PBX3: variants seen among roughly 807,000 people sequenced by gnomAD.
PBX3 encodes the protein PBX homeobox 3.
A neutral mutation model predicts 48.5 loss-of-function variants in PBX3; 14 were observed. The observed-to-expected ratio is 0.29, with a 90% CI of 0.19 to 0.45. PBX3 has a LOEUF of 0.45. PBX3 is among the 20% of genes least tolerant of loss of function. PBX3 has a pLI of 1.00. For synonymous variants in PBX3, 210 were observed against 200.3 expected (o/e 1.05, Z -0.41); for missense variants, 386 against 546.7 (o/e 0.71, Z 2.93).
chr9:125,748,796 C>A, intron 2 of PBX3, 173 bp downstream of exon 2: 1 of 516,176 alleles, frequency 1.9e-6, no homozygotes, highest in South Asian at 2.5e-5. Context: ...GAGTCAATTT[C>A]TCAGTTCTGC....
At chr9:125,748,696 A>C (rs1836280517) in intron 2 of PBX3, 73 bp downstream of exon 2, 1 of 1,095,584 alleles carries the variant, frequency 9.1e-7, no homozygotes. Flanking sequence ...TCGACTCTCC[A>C]GTTGAGAGCT....
intron 2 of PBX3, among the ~76,000 whole-genome samples, chr9:125,762,820 C>G (rs972473555): frequency 6.6e-6 from 1 of 151,560 alleles, no homozygotes; most frequent in South Asian, 2.1e-4. Context: ...CTAAAGCGGT[C>G]AAAAAAATCA....
chr9:125,847,264 T>C (rs906795044), intron 2 of PBX3, among the ~76,000 whole-genome samples: 1 of 152,038 alleles, frequency 6.6e-6, no homozygotes, highest in African/African-American at 2.4e-5. Context: ...AATTTATTTC[T>C]TATACTAATT....
intron 2 of PBX3, among the ~76,000 whole-genome samples, chr9:125,844,177 A>G (rs1588210852): frequency 6.6e-6 from 1 of 152,110 alleles, no homozygotes; most frequent in East Asian, 1.9e-4. Flanking sequence ...GTTTTCTATT[A>G]TAATTTAGAT....
At chr9:125,900,047 G>C (rs1840904632) in intron 2 of PBX3, among the ~76,000 whole-genome samples, 1 of 151,580 alleles carries the variant, frequency 6.6e-6, no homozygotes, top group Non-Finnish European at 1.5e-5. Flanking sequence ...CATCAGTTAA[G>C]CATATCTCTG....
intron 2 of PBX3, among the ~76,000 whole-genome samples, chr9:125,868,399 C>T (rs1039119777): frequency 2.0e-5 from 3 of 152,172 alleles, no homozygotes; most frequent in Admixed American, 6.5e-5. Flanking sequence ...TGCAGAAAAA[C>T]CTCACCTGGC....
chr9:125,767,923 A>C (rs909579059), intron 2 of PBX3, among the ~76,000 whole-genome samples: 4 of 152,086 alleles, frequency 2.6e-5, no homozygotes, highest in Admixed American at 6.5e-5. Context: ...GCAGGCTAGC[A>C]ATGAGACTCA....
At chr9:125,914,194 T>G (rs1005296578) in intron 2 of PBX3, among the ~76,000 whole-genome samples, 2 of 152,206 alleles carry the variant, frequency 1.3e-5, no homozygotes, top group African/African-American at 4.8e-5. Context: ...TGAGTTATCT[T>G]TTTGCTCTCC....
At chr9:125,772,807 C>CTA (rs1380574535) in intron 2 of PBX3, among the ~76,000 whole-genome samples, 1 of 152,210 alleles carries the variant, frequency 6.6e-6, no homozygotes, top group Non-Finnish European at 1.5e-5. Flanking sequence ...AGGCCCAAGC[C>CTA]TATAATCTCA....
rs1840827760 is a variant in PBX3 at position 125,898,460 on chromosome 9, A to AAT, written c.275-17226_275-17225insAT. On this transcript the variant is annotated intron_variant, in intron 2 of 8. Transcript: ENST00000373489. Reference sequence around the variant, plus strand: ...GGACCCCATCTTCTGAAAAAAAAAAATAAAAAAAAGGGCCTTTTGAATTTT... The same window carrying AAT: ...GGACCCCATCTTCTGAAAAAAAAAAAATTAAAAAAAAGGGCCTTTTGAATTTT... 2.6e-5 allele frequency among the ~76,000 whole-genome samples: 4 copies of AAT among 150,946 alleles called. No homozygotes were observed. In the South Asian group the frequency reaches 8.4e-4, roughly 32 times the overall value.
rs149345595 is a variant in PBX3, at chr9:125,821,846, G to T, written c.274+73223G>T. Among the ~76,000 whole-genome samples the T allele has an allele frequency of 9.3e-3, 1,409 of 152,122 alleles. 19 individuals carry two copies. The highest frequency in any genetic ancestry group is 0.044 in the Middle Eastern group (13 of 294). On this transcript the variant is annotated intron_variant, in intron 2 of 8. Transcript: ENST00000373489. ...TGTATTGTTGTTTTACCCCTTAAAG[G>T]CTGCTAATGAGAAATAGAGCCTCAT...
chr9:125,748,390 C>A, intron 1 of PBX3, 160 bp from the exon 2 acceptor site: 2 of 1,377,066 alleles, frequency 1.5e-6, no homozygotes, highest in Non-Finnish European at 1.9e-6. Flanking sequence ...TGCTGGCTGT[C>A]GGGAACTAGT....
At chr9:125,951,718 A>T (rs1445535692) in intron 5 of PBX3, among the ~76,000 whole-genome samples, 1 of 152,186 alleles carries the variant, frequency 6.6e-6, no homozygotes, top group Non-Finnish European at 1.5e-5. Context: ...GGAAAGGAGA[A>T]CCTTAGATGG....
At chr9:125,927,476 G>A (rs1262764876) in intron 3 of PBX3, among the ~76,000 whole-genome samples, 1 of 152,194 alleles carries the variant, frequency 6.6e-6, no homozygotes, top group East Asian at 1.9e-4. Flanking sequence ...AAACCATCAT[G>A]TGCTATATGT....
chr9:125,863,416 T>C (rs975661389), intron 2 of PBX3, among the ~76,000 whole-genome samples: 3 of 151,974 alleles, frequency 2.0e-5, no homozygotes, highest in Non-Finnish European at 4.4e-5. Context: ...TTCACCATGT[T>C]GGCCAGGATT....
At chr9:125,958,318 G>T (rs1433948060) in intron 5 of PBX3, among the ~76,000 whole-genome samples, 1 of 152,074 alleles carries the variant, frequency 6.6e-6, no homozygotes, top group African/African-American at 2.4e-5. Context: ...TGGCTTCCTC[G>T]CTTATATACT....
intron 2 of PBX3, among the ~76,000 whole-genome samples, chr9:125,898,852 T>G (rs1202078869): frequency 1.3e-5 from 2 of 151,840 alleles, no homozygotes; most frequent in African/African-American, 4.8e-5. Flanking sequence ...ATTTTTTAAA[T>G]GAGTACAAAT....
intron 2 of PBX3, among the ~76,000 whole-genome samples, chr9:125,767,380 T>C (rs1836826956): frequency 6.6e-6 from 1 of 152,166 alleles, no homozygotes; most frequent in African/African-American, 2.4e-5. Flanking sequence ...TGGTGAATAG[T>C]TTATTCTGAT....
chr9:125,793,350 T>TGG (rs765754619), intron 2 of PBX3, among the ~76,000 whole-genome samples: 3 of 79,194 alleles, frequency 3.8e-5, no homozygotes, highest in Non-Finnish European at 7.0e-5. Context: ...AGACTCCATT[T>TGG]GGGGGGGAAA....
Sources: gnomAD v4.1 joint callset for allele counts (sites outside exome capture counted in the v4.1 genomes callset) on GRCh38, gnomAD v4.1.1 for gene constraint, MANE v1.5 for transcripts, NCBI Gene and HGNC (gene_info 2026-07-23, HGNC 2026-07-21) for gene names.